Variants in ABLIM1 observed in about 807,000 individuals in gnomAD.
ABLIM1 encodes actin binding LIM protein 1.
A neutral mutation model predicts 107.0 loss-of-function variants in ABLIM1; 40 were observed. That is an observed-to-expected ratio of 0.37 (90% CI 0.29 to 0.49). ABLIM1 has a LOEUF of 0.49. ABLIM1 is among the 20% of genes least tolerant of loss of function. The pLI is 0.97. For synonymous variants in ABLIM1, 357 were observed against 357.3 expected (o/e 1.00, Z 0.01); for missense variants, 857 against 1,008.5 (o/e 0.85, Z 2.04).
chr10:114,503,196 T>C (rs11196768), intron 6 of ABLIM1, among the ~76,000 whole-genome samples: 19,288 of 152,224 alleles, frequency 0.13, 1,895 homozygotes, highest in East Asian at 0.47. Context: ...GCCTCATGCC[T>C]TGGCAGCAAT....
chr10:114,530,525 A>ATATT lies in ABLIM1; in HGVS notation c.894+14476_894+14479dup, dbSNP rs568405852. ...TTTATTTCATATGTGAGTGAAATAA[A>ATATT]TATTTATTTATTTATTTATTTATTT... On this transcript the variant is annotated intron_variant, in intron 6 of 22. Transcript: ENST00000533213. Among the ~76,000 whole-genome samples, 186 of 152,174 alleles carry ATATT rather than the reference A, an allele frequency of 1.2e-3. 1 individual carries two copies. The highest frequency in any genetic ancestry group is 2.7e-3 in the African/African-American group (113 of 41,544).
At chr10:114,561,967 C>T (rs1414055954) in intron 4 of ABLIM1, among the ~76,000 whole-genome samples, 1 of 152,178 alleles carries the variant, frequency 6.6e-6, no homozygotes, top group East Asian at 1.9e-4. Flanking sequence ...ATAATTGTTA[C>T]AGATTTCAGT....
chr10:114,677,412 T>C (rs1294620051), intron 1 of ABLIM1, among the ~76,000 whole-genome samples: 2 of 152,190 alleles, frequency 1.3e-5, no homozygotes, highest in Non-Finnish European at 2.9e-5. Context: ...CCAAGGAGCA[T>C]TCTGCCTTCC....
At chr10:114,578,785 C>CTTTTT (rs35420465) in intron 2 of ABLIM1, among the ~76,000 whole-genome samples, 2 of 111,718 alleles carry the variant, frequency 1.8e-5, no homozygotes, top group Non-Finnish European at 3.4e-5. Context: ...TCTTTCTTTT[C>CTTTTT]TTTTTTTTTT....
exon 1 of ABLIM1, chr10:114,684,550 A>G: frequency 1.4e-6 from 2 of 1,387,194 alleles, no homozygotes; most frequent in South Asian, 3.6e-5. Context: ...TTCCTGAGTG[A>G]CTCTGGCTCC....
At chr10:114,460,115 T>G (rs1488709340) in intron 12 of ABLIM1, among the ~76,000 whole-genome samples, 1 of 152,144 alleles carries the variant, frequency 6.6e-6, no homozygotes, top group Non-Finnish European at 1.5e-5. Flanking sequence ...TTCACACATA[T>G]TTATACTGAA....
intron 2 of ABLIM1, among the ~76,000 whole-genome samples, chr10:114,589,754 C>A (rs2074648563): frequency 6.6e-6 from 1 of 151,946 alleles, no homozygotes; most frequent in South Asian, 2.1e-4. Flanking sequence ...AAATGTTTTA[C>A]AAAAGAGTCA....
At chr10:114,798,241 C>A in the ABLIM1 span, among the ~76,000 whole-genome samples, 3 of 150,486 alleles carry the variant, frequency 2.0e-5, no homozygotes, top group East Asian at 2.0e-4. Flanking sequence ...GCCAACATGG[C>A]GAAACCCCAT....
intron 6 of ABLIM1, among the ~76,000 whole-genome samples, chr10:114,495,599 G>A (rs1319850886): frequency 6.6e-6 from 1 of 152,062 alleles, no homozygotes; most frequent in East Asian, 1.9e-4. Flanking sequence ...TTGTGGTGAC[G>A]ATGATGTGGT....
At position 114,444,077 on chromosome 10, in the gene ABLIM1, C is replaced by T. The variant is rs765850606; in HGVS notation, c.1885G>A (p.Glu629Lys). 1 of 1,613,220 alleles carries T rather than the reference C, an allele frequency of 6.2e-7. No individual in the cohort carries two copies. Among genetic ancestry groups the T allele is most frequent in the Admixed American group, 1.7e-5 (1 of 59,904 alleles). The stretch of plus-strand genomic sequence containing the variant: ...CGACTGGCTAACAGAGATGACCTTT[C>T]CCGGCTCTCTTTCTCCATCTCTTCT... ...LKEEMEKESR[E>K]RSSLLASRYD... The change falls in exon 17 of 23, where the codon GAA (glutamate) becomes AAA (lysine). Residue 629 changes from glutamate (E) to lysine (K), a missense_variant. Glu to Lys is a moderately conservative substitution (Grantham distance 56). This residue lies in a region of ABLIM1 where 193 missense variants were observed against 208.5 expected (regional missense o/e 0.93). Coordinates refer to ENST00000533213, the MANE Select transcript of ABLIM1 (RefSeq NM_002313.7).
chr10:114,706,946 A>G (rs1420990418), intron 1 of ABLIM1, among the ~76,000 whole-genome samples: 1 of 152,338 alleles, frequency 6.6e-6, no homozygotes, highest in East Asian at 1.9e-4. Flanking sequence ...GGCATCATTA[A>G]TACACTTTCA....
chr10:114,580,804 A>G (rs1161756581), intron 2 of ABLIM1, among the ~76,000 whole-genome samples: 3 of 152,174 alleles, frequency 2.0e-5, no homozygotes, highest in African/African-American at 2.4e-5. Context: ...AAACATCTCA[A>G]TTAGTAAAGT....
intron 1 of ABLIM1, among the ~76,000 whole-genome samples, chr10:114,695,719 T>G (rs1455812578): frequency 6.6e-6 from 1 of 152,204 alleles, no homozygotes; most frequent in Non-Finnish European, 1.5e-5. Flanking sequence ...GATAATGCAA[T>G]GGCATTGGAG....
intron 6 of ABLIM1, among the ~76,000 whole-genome samples, chr10:114,502,632 G>A (rs2060581358): frequency 6.6e-6 from 1 of 152,106 alleles, no homozygotes; most frequent in Non-Finnish European, 1.5e-5. Flanking sequence ...GAGCAGCTGG[G>A]ATTACAGGTA....
intron 6 of ABLIM1, among the ~76,000 whole-genome samples, chr10:114,509,787 G>C (rs1590683558): frequency 1.3e-5 from 2 of 152,086 alleles, no homozygotes; most frequent in Non-Finnish European, 2.9e-5. Context: ...GCCTGTATTA[G>C]TCCGTTCTCA....
intron 1 of ABLIM1, among the ~76,000 whole-genome samples, chr10:114,722,256 G>A (rs370576837): frequency 2.8e-4 from 43 of 152,282 alleles, no homozygotes; most frequent in African/African-American, 9.9e-4. Flanking sequence ...AATTATGGTG[G>A]AAGGCAAAGG....
At chr10:114,722,633 G>A (rs954840324) in intron 1 of ABLIM1, among the ~76,000 whole-genome samples, 3 of 152,236 alleles carry the variant, frequency 2.0e-5, no homozygotes, top group African/African-American at 7.2e-5. Flanking sequence ...AAGGGACAAG[G>A]TGAGGAAGAA....
intron 1 of ABLIM1, among the ~76,000 whole-genome samples, chr10:114,721,584 T>G (rs543157436): frequency 1.3e-5 from 2 of 152,070 alleles, no homozygotes; most frequent in East Asian, 1.9e-4. Context: ...CAGGTTCAAA[T>G]GATTCTCCTG....
the ABLIM1 span, among the ~76,000 whole-genome samples, chr10:114,774,217 A>G: frequency 2.6e-5 from 4 of 152,234 alleles, no homozygotes; most frequent in African/African-American, 4.8e-5. Context: ...AAAACTGAAA[A>G]AAATACATGA....
Sources: gnomAD v4.1 joint callset for allele counts (sites outside exome capture counted in the v4.1 genomes callset) on GRCh38, gnomAD v4.1.1 for gene constraint, gnomAD v4.1.1 regional missense constraint, MANE v1.5 for transcripts, NCBI Gene and HGNC (gene_info 2026-07-23, HGNC 2026-07-21) for gene names.